DCAF4: variants seen among roughly 807,000 people sequenced by gnomAD.
The protein encoded by DCAF4 is DDB1 and CUL4 associated factor 4.
In DCAF4, 37 loss-of-function variants were observed where a neutral mutation model predicts 60.9. The observed-to-expected ratio is 0.61, with a 90% confidence interval of 0.47 to 0.80. DCAF4 has a LOEUF of 0.80. Among genes scored for constraint, DCAF4 ranks in the 30% least tolerant of loss-of-function variants. The probability of loss-of-function intolerance (pLI) is 0.00; values close to 1 mark genes in which losing one functional copy is unlikely to be tolerated. For synonymous variants in DCAF4, 243 were observed against 254.8 expected, an observed-to-expected ratio of 0.95 and a Z score of 0.44; for missense variants, 577 against 650.0, an observed-to-expected ratio of 0.89 and a Z score of 1.22.
chr14:72,929,937 T>TCTCCATGGCGGCC, intron 1 of DCAF4: 2 of 1,013,280 alleles, frequency 2.0e-6, no homozygotes, highest in Non-Finnish European at 3.0e-6. Flanking sequence ...CCATGGCTGC[T>TCTCCATGGCGGCC]GCTCTCCATG....
chr14:72,958,679 C>A lies in DCAF4; in HGVS notation c.1362C>A (p.Ser454=). The A allele has an allele frequency of 6.2e-7, 1 of 1,614,236 alleles. No individual in the cohort carries two copies. Residue 454 remains serine, a synonymous_variant, in exon 14 of 14, where the codon TCC becomes TCA. Coordinates refer to ENST00000358377, the MANE Select transcript of DCAF4 (RefSeq NM_015604.4). ...HDARLLRTIP[S]PYPASKADIP... ...CCCGCCTACTGAGAACCATACCCTCCCCGTACCCTGCCTCCAAGGCCGACA... is the reference window on the plus strand; with the variant it reads ...CCCGCCTACTGAGAACCATACCCTCACCGTACCCTGCCTCCAAGGCCGACA...
At chr14:72,955,102 C>T (rs1161299270) in intron 11 of DCAF4, among the ~76,000 whole-genome samples, 1 of 146,414 alleles carries the variant, frequency 6.8e-6, no homozygotes, top group Non-Finnish European at 1.5e-5. Flanking sequence ...CAGAGCAAGA[C>T]TCTGTCTCAA....
chr14:72,928,610 T>G (rs1888045607), intron 1 of DCAF4, among the ~76,000 whole-genome samples: 1 of 110,112 alleles, frequency 9.1e-6, no homozygotes, highest in Non-Finnish European at 2.0e-5. Flanking sequence ...TATATATATA[T>G]ATATATAGTT....
downstream of DCAF4, among the ~76,000 whole-genome samples, chr14:72,961,200 A>G (rs1892806963): frequency 6.6e-6 from 1 of 152,028 alleles, no homozygotes; most frequent in African/African-American, 2.4e-5. Flanking sequence ...TCACCCTCAC[A>G]CTAACCCCAC....
intron 1 of DCAF4, among the ~76,000 whole-genome samples, chr14:72,932,365 G>A (rs752910029): frequency 5.9e-5 from 9 of 152,212 alleles, no homozygotes; most frequent in Admixed American, 4.6e-4. Flanking sequence ...AAAATGATTC[G>A]GAAAAATGTA....
chr14:72,959,999 G>A (rs146805939), downstream of DCAF4, among the ~76,000 whole-genome samples: 41 of 152,232 alleles, frequency 2.7e-4, no homozygotes, highest in African/African-American at 9.4e-4. Context: ...AGAGAGCCGG[G>A]TTCCAGCAAC....
In DCAF4 at chr14:72,953,732, A is replaced by AAAAAAAAAT. The variant is rs1555527852; in HGVS notation, c.809-431_809-430insAAAAAAATA. 1.4e-4 allele frequency among the ~76,000 whole-genome samples: 3 copies of AAAAAAAAAT among 21,778 alleles called. 1 individual carries two copies. The highest frequency in any genetic ancestry group is 7.0e-4 in the African/African-American group (3 of 4,292). The allele number at this position is 21,778 out of a possible 152,430, so 14.3% of individuals were successfully genotyped here. A position where few individuals can be genotyped will look rare whatever the true frequency, so the allele number is the denominator to read the frequency against. On this transcript the variant is annotated intron_variant, in intron 9 of 13. Transcript: ENST00000358377. ...CTTAAAAAAAAAAAAAAAAAAAAAA[A>AAAAAAAAAT]ATATATATATATATATATATATATA...
chr14:72,954,309 T>C (rs1308394485), intron 10 of DCAF4, 47 bp downstream of exon 10: 1 of 1,613,114 alleles, frequency 6.2e-7, no homozygotes, highest in African/African-American at 1.3e-5. Context: ...TTAACAGGCC[T>C]TAAAACCCCA....
At position 72,943,027 on chromosome 14, in the gene DCAF4, G is replaced by A; in HGVS notation, c.465G>A (p.Glu155=). ...ACGAGCTGCGTCTCAGCTGCATGGA[G>A]AGGAAAAAGGTCCAGATTCGAAGCA... ...LAHELRLSCM[E]RKKVQIRSMD... is the part of the protein sequence containing the mutation. Residue 155 remains glutamate (E), a synonymous_variant, in exon 6 of 14, where the codon GAG becomes GAA. Transcript: ENST00000358377. The A allele has an allele frequency of 6.2e-7, 1 of 1,614,200 alleles. No individual in the cohort carries two copies. The highest frequency in any genetic ancestry group is 8.5e-7 in the Non-Finnish European group (1 of 1,180,032).
intron 9 of DCAF4, among the ~76,000 whole-genome samples, chr14:72,952,428 C>T (rs896271080): frequency 6.6e-6 from 1 of 152,184 alleles, no homozygotes; most frequent in Non-Finnish European, 1.5e-5. Flanking sequence ...TCTCAGTCCA[C>T]ATCCGTGGAG....
At chr14:72,939,437 C>G (rs1372125312) in intron 2 of DCAF4, among the ~76,000 whole-genome samples, 8 of 152,176 alleles carry the variant, frequency 5.3e-5, no homozygotes, top group Non-Finnish European at 1.2e-4. Context: ...ATTCACCTAG[C>G]CTTGTAACTG....
At chr14:72,960,139 T>C (rs186907740), downstream of DCAF4, among the ~76,000 whole-genome samples, 1 of 150,210 alleles carries the variant, frequency 6.7e-6, no homozygotes, top group Admixed American at 6.8e-5. Context: ...TAATACAGCA[T>C]ATTCTATAAA....
chr14:72,928,187 C>CTTTTTTTTTTTTTTTTTTTTTTT lies in DCAF4; in HGVS notation c.-9+1645_-9+1667dup, dbSNP rs565229070. On this transcript the variant is annotated intron_variant, in intron 1 of 13. Transcript: ENST00000358377. Reference sequence around the variant, plus strand: ...CCCGCTAGTCTACAGAATCCCCCCACTTTTTTTTTTTTTTTTTTTTTTTGA... The same window carrying CTTTTTTTTTTTTTTTTTTTTTTT: ...CCCGCTAGTCTACAGAATCCCCCCACTTTTTTTTTTTTTTTTTTTTTTTTTTTTTTTTTTTTTTTTTTTTTTGA... Among the ~76,000 whole-genome samples, 52 of 67,276 alleles carry CTTTTTTTTTTTTTTTTTTTTTTT rather than the reference C, an allele frequency of 7.7e-4. 8 individuals are homozygous for CTTTTTTTTTTTTTTTTTTTTTTT. Among genetic ancestry groups the CTTTTTTTTTTTTTTTTTTTTTTT allele is most frequent in the African/African-American group, 1.5e-3 (22 of 15,108 alleles). 44.1% of individuals were successfully genotyped at this position (67,276 alleles called of 152,430 possible).
rs1044869691 is a variant in DCAF4 at position 72,959,393 on chromosome 14, G to A, written c.*588G>A. The A allele has an allele frequency of 2.0e-6, 2 of 985,442 alleles. No individual in the cohort carries two copies. Among genetic ancestry groups the A allele is most frequent in the Non-Finnish European group, 2.4e-6 (2 of 829,960 alleles). 61.0% of individuals were successfully genotyped at this position (985,442 alleles called of 1,614,324 possible). On this transcript the variant is annotated 3_prime_UTR_variant, in exon 14 of 14. Coordinates refer to ENST00000358377, the MANE Select transcript of DCAF4 (RefSeq NM_015604.4). ...TCTGCTGTTATTATCCAAAGGCGTT[G>A]GAAGGAAAGATGGATCTTCTTACAT...
rs186086642 is a variant in DCAF4 at position 72,953,666 on chromosome 14, C to T, written c.809-498C>T. ...TTGAGGATGCATTGAGCCATGATCA[C>T]GCCACTGCACTCCAGACTGGGCAAA... On this transcript the variant is annotated intron_variant, in intron 9 of 13. Coordinates refer to ENST00000358377, the MANE Select transcript of DCAF4 (RefSeq NM_015604.4). Among the ~76,000 whole-genome samples the T allele has an allele frequency of 1.3e-3, 167 of 133,140 alleles. 1 individual carries two copies. Among genetic ancestry groups the T allele is most frequent in the Admixed American group, 2.9e-3 (35 of 11,922 alleles). The allele number at this position is 133,140 out of a possible 152,430, so 87.3% of individuals were successfully genotyped here.
At chr14:72,950,614 C>T (rs566549070) in intron 8 of DCAF4, among the ~76,000 whole-genome samples, 2 of 152,226 alleles carry the variant, frequency 1.3e-5, no homozygotes, top group East Asian at 1.9e-4. Flanking sequence ...TCAAAAGACA[C>T]ACACGTAGGC....
chr14:72,929,842 C>A, intron 1 of DCAF4: 1 of 1,427,562 alleles, frequency 7.0e-7, no homozygotes. Context: ...CAGACGCCCG[C>A]GGCGGCGGCT....
chr14:72,953,389 C>T (rs949096947), intron 9 of DCAF4, among the ~76,000 whole-genome samples: 3 of 151,904 alleles, frequency 2.0e-5, no homozygotes, highest in South Asian at 4.2e-4. Flanking sequence ...ACAATCTGTA[C>T]GTTCTATCAA....
intron 12 of DCAF4, among the ~76,000 whole-genome samples, chr14:72,955,903 C>G (rs1892212777): frequency 7.2e-6 from 1 of 138,380 alleles, no homozygotes; most frequent in Admixed American, 7.4e-5. Context: ...AAAGGATTCT[C>G]TGGTTATGTC....
Sources: gnomAD v4.1 joint callset for allele counts (sites outside exome capture counted in the v4.1 genomes callset) on GRCh38, gnomAD v4.1.1 for gene constraint, MANE v1.5 for transcripts, NCBI Gene and HGNC (gene_info 2026-07-23, HGNC 2026-07-21) for gene names.